SPAG16: variants seen among roughly 807,000 people sequenced by gnomAD.
SPAG16 encodes the protein sperm-associated antigen 16 protein.
A neutral mutation model predicts 80.4 loss-of-function variants in SPAG16; 86 were observed. The ratio of observed to expected loss-of-function variants is 1.07; its 90% CI spans 0.90 to 1.28. The LOEUF (loss-of-function observed/expected upper bound fraction) is 1.28. Among genes scored for constraint, SPAG16 ranks in the 50% most tolerant of loss-of-function variants. SPAG16 has a pLI of 0.00. For missense variants in SPAG16, 870 were observed against 765.3 expected (o/e 1.14, Z -1.61); for synonymous variants, 294 against 265.9 (o/e 1.11, Z -1.03).
At chr2:214,113,459 A>G (rs1043384437) in intron 14 of SPAG16, among the ~76,000 whole-genome samples, 4 of 152,212 alleles carry the variant, frequency 2.6e-5, no homozygotes, top group African/African-American at 2.4e-5. Context: ...AGATACACCA[A>G]TCAAATGTAG....
At chr2:214,193,426 TGAGAGAGAGA>T (rs55774604) in intron 15 of SPAG16, among the ~76,000 whole-genome samples, 35 of 136,608 alleles carry the variant, frequency 2.6e-4, no homozygotes, top group East Asian at 1.1e-3. Context: ...TGTGTGTGTA[TGAGAGAGAGA>T]GAGAGAGAGA....
intron 12 of SPAG16, among the ~76,000 whole-genome samples, chr2:213,934,264 A>C (rs781120500): frequency 1.3e-5 from 2 of 152,180 alleles, no homozygotes; most frequent in Non-Finnish European, 2.9e-5. Context: ...TCTGTATTAC[A>C]GTTTATACTG....
At chr2:213,638,973 A>G (rs57936781) in intron 10 of SPAG16, among the ~76,000 whole-genome samples, 2 of 152,030 alleles carry the variant, frequency 1.3e-5, no homozygotes, top group East Asian at 3.9e-4. Flanking sequence ...TGTTGCATTT[A>G]TCTCTTTATC....
chr2:213,843,623 GGTCGATCA>G (rs1471478835), intron 10 of SPAG16, among the ~76,000 whole-genome samples: 1 of 152,174 alleles, frequency 6.6e-6, no homozygotes, highest in Non-Finnish European at 1.5e-5. Context: ...GGCTGAAGCG[GGTCGATCA>G]CCTGAGGCCA....
intron 11 of SPAG16, among the ~76,000 whole-genome samples, chr2:213,888,903 T>C (rs1262624118): frequency 6.6e-6 from 1 of 151,962 alleles, no homozygotes; most frequent in Non-Finnish European, 1.5e-5. Context: ...CAGAACGTAA[T>C]CAAATCTACT....
chr2:213,812,921 A>C (rs1318003327), intron 10 of SPAG16, among the ~76,000 whole-genome samples: 4 of 152,168 alleles, frequency 2.6e-5, no homozygotes, highest in African/African-American at 9.6e-5. Flanking sequence ...TGTATGTGAA[A>C]AAATAAAGAA....
intron 12 of SPAG16, among the ~76,000 whole-genome samples, chr2:213,967,482 A>G (rs4146002): frequency 0.15 from 23,206 of 152,092 alleles, 2,186 homozygotes; most frequent in African/African-American, 0.27. Flanking sequence ...TTTTCAAAAA[A>G]CCAGATACTA....
chr2:213,492,556 CA>C (rs958251870), intron 10 of SPAG16, among the ~76,000 whole-genome samples: 11 of 148,760 alleles, frequency 7.4e-5, no homozygotes, highest in Admixed American at 3.3e-4. Flanking sequence ...TCTCAAAAAA[CA>C]AAAAAAAACA....
At chr2:213,507,384 T>G (rs111285343) in intron 10 of SPAG16, among the ~76,000 whole-genome samples, 88 of 152,338 alleles carry the variant, frequency 5.8e-4, no homozygotes, top group Middle Eastern at 3.4e-3. Flanking sequence ...AGCCTTTTAT[T>G]TGGCAATATT....
intron 10 of SPAG16, among the ~76,000 whole-genome samples, chr2:213,705,791 TG>T (rs60878472): frequency 0.011 from 654 of 58,174 alleles, 4 homozygotes; most frequent in African/African-American, 0.063. Flanking sequence ...GAGGGTTTGT[TG>T]TTGTTGTTGT....
chr2:213,302,441 A>G (rs2062774853), intron 3 of SPAG16: 1 of 152,062 alleles, frequency 6.6e-6, no homozygotes, highest in Non-Finnish European at 1.5e-5. Context: ...CTGTATTATA[A>G]TGTTTTGTTT....
intron 13 of SPAG16, among the ~76,000 whole-genome samples, chr2:214,082,373 C>G (rs2051440267): frequency 6.6e-6 from 1 of 152,162 alleles, no homozygotes; most frequent in Non-Finnish European, 1.5e-5. Flanking sequence ...CTTTTACCTT[C>G]TCCTCCACTT....
intron 13 of SPAG16, among the ~76,000 whole-genome samples, chr2:214,076,511 TTCTG>T (rs1003154303): frequency 7.2e-5 from 9 of 125,748 alleles, no homozygotes; most frequent in Non-Finnish European, 1.2e-4. Flanking sequence ...TCTTATTTTA[TTCTG>T]TGTGTGTGTG....
chr2:213,543,172 A>C (rs1285883073), intron 10 of SPAG16, among the ~76,000 whole-genome samples: 1 of 152,074 alleles, frequency 6.6e-6, no homozygotes, highest in African/African-American at 2.4e-5. Context: ...AAGCTTACTC[A>C]AGAAGAAATC....
intron 15 of SPAG16, among the ~76,000 whole-genome samples, chr2:214,275,105 T>C (rs1692359740): frequency 6.6e-6 from 1 of 152,254 alleles, no homozygotes; most frequent in Admixed American, 6.5e-5. Flanking sequence ...TAGTATTCTC[T>C]GATGGTAGTT....
chr2:214,022,944 T>C (rs1160643956), intron 13 of SPAG16, among the ~76,000 whole-genome samples: 1 of 152,020 alleles, frequency 6.6e-6, no homozygotes, highest in Non-Finnish European at 1.5e-5. Context: ...TTCCTGATAA[T>C]GACATAGCCT....
intron 10 of SPAG16, among the ~76,000 whole-genome samples, chr2:213,859,536 A>G (rs934051921): frequency 1.3e-5 from 2 of 152,192 alleles, no homozygotes; most frequent in African/African-American, 4.8e-5. Context: ...TTAAGCATTT[A>G]CTGGGAATGA....
chr2:213,732,510 C>G (rs2067097035), intron 10 of SPAG16, among the ~76,000 whole-genome samples: 1 of 152,160 alleles, frequency 6.6e-6, no homozygotes, highest in Admixed American at 6.6e-5. Context: ...GTGATGCTTC[C>G]AGCTTTGTTC....
intron 11 of SPAG16, among the ~76,000 whole-genome samples, chr2:213,922,807 T>C (rs1015671768): frequency 2.4e-4 from 36 of 152,204 alleles, no homozygotes; most frequent in African/African-American, 8.4e-4. Context: ...GGTGGCACCC[T>C]CTATGATTAC....
Sources: gnomAD v4.1 joint callset for allele counts (sites outside exome capture counted in the v4.1 genomes callset) on GRCh38, gnomAD v4.1.1 for gene constraint, MANE v1.5 for transcripts, NCBI Gene and HGNC (gene_info 2026-07-23, HGNC 2026-07-21) for gene names.